Variants in FGF12 observed in about 807,000 individuals in gnomAD.
The protein encoded by FGF12 is fibroblast growth factor 12B.
Under a neutral mutation model 23.6 loss-of-function variants are expected in FGF12, and 14 were observed. The ratio of observed to expected loss-of-function variants is 0.59; its 90% confidence interval spans 0.39 to 0.93. FGF12 has a LOEUF of 0.93. Ranked by LOEUF, FGF12 falls within the 40% of genes least tolerant of loss-of-function variation. The pLI, the probability that FGF12 is intolerant of heterozygous loss-of-function variation, is 0.00. For missense variants in FGF12, 175 were observed against 217.8 expected (o/e 0.80, Z 1.24); for synonymous variants, 62 against 77.3 (o/e 0.80, Z 1.04).
intron 2 of FGF12, among the ~76,000 whole-genome samples, chr3:192,624,181 G>C (rs1659847323): frequency 6.6e-6 from 1 of 151,668 alleles, no homozygotes; most frequent in African/African-American, 2.4e-5. Flanking sequence ...AGCAAATGCG[G>C]AACAATCTCT....
chr3:192,452,517 A>G (rs935420958), intron 2 of FGF12, among the ~76,000 whole-genome samples: 2 of 152,222 alleles, frequency 1.3e-5, no homozygotes, highest in Admixed American at 6.5e-5. Flanking sequence ...TGGTCTCATG[A>G]TATGAGGCTG....
rs546338920 is a variant in FGF12, at chr3:192,470,454, T to C, written c.14-109916A>G. ...CCTAGGCTGTAGTGCAATGGCACAA[T>C]CTTGGCTCACCGCAACCTCTGCCTC... On this transcript the variant is annotated intron_variant, in intron 2 of 5. Transcript: ENST00000445105. 3.9e-5 allele frequency among the ~76,000 whole-genome samples: 6 copies of C among 152,298 alleles called. No individual in the cohort carries two copies. The East Asian group carries it at 1.2e-3, about 29-fold the overall frequency.
At chr3:192,651,299 G>T (rs1240765802) in intron 2 of FGF12, among the ~76,000 whole-genome samples, 1 of 152,150 alleles carries the variant, frequency 6.6e-6, no homozygotes, top group East Asian at 1.9e-4. Flanking sequence ...TATGAACCTG[G>T]ACAGGGGACT....
At chr3:192,407,071 T>C (rs1457720577) in intron 2 of FGF12, among the ~76,000 whole-genome samples, 2 of 152,232 alleles carry the variant, frequency 1.3e-5, no homozygotes, top group Non-Finnish European at 2.9e-5. Flanking sequence ...TCTGCTTCCA[T>C]TCTCTCAAGC....
At chr3:192,662,620 T>C (rs1315188410) in intron 2 of FGF12, among the ~76,000 whole-genome samples, 1 of 152,162 alleles carries the variant, frequency 6.6e-6, no homozygotes, top group Admixed American at 6.5e-5. Context: ...GTCTCCAGTT[T>C]TTACAGATTC....
chr3:192,478,358 A>G (rs1210360908), intron 2 of FGF12, among the ~76,000 whole-genome samples: 1 of 152,182 alleles, frequency 6.6e-6, no homozygotes, highest in African/African-American at 2.4e-5. Flanking sequence ...ATTAGAATCC[A>G]GCCCCTGGCC....
chr3:192,366,487 G>T (rs1718990241), intron 2 of FGF12, among the ~76,000 whole-genome samples: 1 of 152,072 alleles, frequency 6.6e-6, no homozygotes, highest in Non-Finnish European at 1.5e-5. Flanking sequence ...CTCCTTCGTG[G>T]CAGGCACACT....
intron 2 of FGF12, among the ~76,000 whole-genome samples, chr3:192,535,119 G>A (rs1725193950): frequency 6.6e-6 from 1 of 152,138 alleles, no homozygotes; most frequent in Non-Finnish European, 1.5e-5. Flanking sequence ...TATAAGGTGT[G>A]TTTTGGCTAT....
chr3:192,503,640 C>G (rs2108834749), intron 2 of FGF12, among the ~76,000 whole-genome samples: 1 of 136,178 alleles, frequency 7.3e-6, no homozygotes, highest in African/African-American at 2.8e-5. Context: ...GTCTCTCACT[C>G]TGTCACCCAG....
At chr3:192,527,671 T>G (rs1272596009) in intron 2 of FGF12, among the ~76,000 whole-genome samples, 3 of 152,222 alleles carry the variant, frequency 2.0e-5, no homozygotes, top group African/African-American at 2.4e-5. Flanking sequence ...CATTTTTATT[T>G]TTTTATTTGT....
intron 4 of FGF12, among the ~76,000 whole-genome samples, chr3:192,219,519 A>G (rs1718366908): frequency 1.3e-5 from 2 of 152,202 alleles, no homozygotes; most frequent in Non-Finnish European, 2.9e-5. Flanking sequence ...GAACCCAGGT[A>G]TTGGTATGCT....
intron 4 of FGF12, among the ~76,000 whole-genome samples, chr3:192,292,825 G>A (rs1560055421): frequency 1.3e-5 from 2 of 152,186 alleles, no homozygotes; most frequent in Non-Finnish European, 1.5e-5. Context: ...CACCCAGGCT[G>A]AAGTGCAGTG....
At chr3:192,357,998 TGAAA>T (rs2108730011) in intron 3 of FGF12, among the ~76,000 whole-genome samples, 1 of 152,150 alleles carries the variant, frequency 6.6e-6, no homozygotes, top group African/African-American at 2.4e-5. Flanking sequence ...TTTACAAAAA[TGAAA>T]GAAATAAAGC....
At chr3:192,673,425 G>A (rs551472227) in intron 2 of FGF12, among the ~76,000 whole-genome samples, 10 of 149,586 alleles carry the variant, frequency 6.7e-5, no homozygotes, top group Non-Finnish European at 1.0e-4. Flanking sequence ...TGTGTAGAAC[G>A]TGCAGGTTGG....
intron 2 of FGF12, among the ~76,000 whole-genome samples, chr3:192,500,362 G>A (rs1724098149): frequency 6.6e-6 from 1 of 152,122 alleles, no homozygotes; most frequent in Non-Finnish European, 1.5e-5. Flanking sequence ...ACAATTGAAG[G>A]TCTAGAAAAT....
intron 4 of FGF12, among the ~76,000 whole-genome samples, chr3:192,220,647 C>T (rs894099939): frequency 2.6e-5 from 4 of 152,110 alleles, no homozygotes; most frequent in Non-Finnish European, 5.9e-5. Flanking sequence ...TTGTCAGTTA[C>T]GAACTATCAT....
chr3:192,536,078 T>C (rs1404049053), intron 2 of FGF12, among the ~76,000 whole-genome samples: 2 of 152,224 alleles, frequency 1.3e-5, no homozygotes, highest in African/African-American at 2.4e-5. Context: ...TACATATTAC[T>C]CTACACGGCT....
At chr3:192,276,534 T>G (rs187863278) in intron 4 of FGF12, among the ~76,000 whole-genome samples, 218 of 152,304 alleles carry the variant, frequency 1.4e-3, no homozygotes, top group Admixed American at 2.8e-3. Context: ...ATGTTGTTGT[T>G]GCAAGTTAGA....
intron 4 of FGF12, among the ~76,000 whole-genome samples, chr3:192,297,108 A>C (rs1434837385): frequency 6.6e-6 from 1 of 152,234 alleles, no homozygotes; most frequent in Non-Finnish European, 1.5e-5. Context: ...GTGAAGAACA[A>C]TAAAAGTACT....
Sources: allele counts gnomAD v4.1 joint callset (sites outside exome capture counted in the v4.1 genomes callset), GRCh38; gene constraint gnomAD v4.1.1; transcripts MANE v1.5; gene names NCBI Gene and HGNC (gene_info 2026-07-23, HGNC 2026-07-21).